ZNF475: variants seen among roughly 807,000 people sequenced by gnomAD.
The protein encoded by ZNF475 is zinc finger protein 475.
At chr5:122,182,283 G>A in the ZNF475 span, among the ~76,000 whole-genome samples, 1 of 152,244 alleles carries the variant, frequency 6.6e-6, no homozygotes, top group East Asian at 1.9e-4. Flanking sequence ...ACTTGAAAGA[G>A]CGAGCAGCCC....
the ZNF475 span, among the ~76,000 whole-genome samples, chr5:122,171,760 A>G: frequency 2.7e-5 from 4 of 149,330 alleles, no homozygotes; most frequent in African/African-American, 9.9e-5. Context: ...TTTTTTTGAG[A>G]CAGGGTCTCA....
chr5:122,174,021 C>T, the ZNF475 span, among the ~76,000 whole-genome samples: 3 of 152,194 alleles, frequency 2.0e-5, no homozygotes, highest in African/African-American at 4.8e-5. Flanking sequence ...TGGCTGGTCC[C>T]GGCAAGGGCC....
the ZNF475 span, among the ~76,000 whole-genome samples, chr5:122,161,530 A>T: frequency 6.6e-6 from 1 of 152,236 alleles, no homozygotes; most frequent in African/African-American, 2.4e-5. Context: ...TTCTTTTTAT[A>T]GGAAAATTCC....
chr5:122,167,012 A>C, the ZNF475 span, among the ~76,000 whole-genome samples: 1 of 152,192 alleles, frequency 6.6e-6, no homozygotes, highest in Non-Finnish European at 1.5e-5. Context: ...CTATGTCCTA[A>C]ATGGTATTGC....
the ZNF475 span, among the ~76,000 whole-genome samples, chr5:122,172,950 G>T: frequency 6.6e-6 from 1 of 151,948 alleles, no homozygotes; most frequent in African/African-American, 2.4e-5. Context: ...GGAGAATGGC[G>T]TGAACCCGGG....
At chr5:122,170,592 C>A in the ZNF475 span, among the ~76,000 whole-genome samples, 1 of 152,160 alleles carries the variant, frequency 6.6e-6, no homozygotes, top group Non-Finnish European at 1.5e-5. Flanking sequence ...CCCAGCACCT[C>A]AATGGATTTG....
chr5:122,165,974 A>T, the ZNF475 span, among the ~76,000 whole-genome samples: 1 of 152,254 alleles, frequency 6.6e-6, no homozygotes, highest in Non-Finnish European at 1.5e-5. Context: ...TAATGGTTAC[A>T]GATAAATCCA....
chr5:122,182,454 C>CT, the ZNF475 span: 1 of 1,397,724 alleles, frequency 7.2e-7, no homozygotes, highest in Admixed American at 3.0e-5. Context: ...ATTTTTTTTT[C>CT]TTTTTTTCTT....
chr5:122,182,483 C>G, the ZNF475 span: 1 of 1,420,636 alleles, frequency 7.0e-7, no homozygotes, highest in Non-Finnish European at 9.2e-7. Context: ...TTTCCTTTAA[C>G]TTTCCAGCCA....
chr5:122,162,327 T>C, the ZNF475 span: 1 of 152,210 alleles, frequency 6.6e-6, no homozygotes, highest in Non-Finnish European at 1.5e-5. Flanking sequence ...CATCCAGTGA[T>C]TTCCAAAAAC....
chr5:122,165,294 T>C, the ZNF475 span, among the ~76,000 whole-genome samples: 1 of 152,214 alleles, frequency 6.6e-6, no homozygotes, highest in African/African-American at 2.4e-5. Context: ...TTATTGGCTT[T>C]TGAAATTGAA....
At chr5:122,176,465 TTA>T in the ZNF475 span, among the ~76,000 whole-genome samples, 1 of 152,196 alleles carries the variant, frequency 6.6e-6, no homozygotes, top group African/African-American at 2.4e-5. Flanking sequence ...CTTTCTGTAT[TTA>T]TAAGTTTTAT....
At chr5:122,160,366 G>A in the ZNF475 span, 1 of 950,060 alleles carries the variant, frequency 1.1e-6, no homozygotes, top group Non-Finnish European at 1.5e-6. Context: ...TCGAAGGTGG[G>A]GAAAGTTACA....
At chr5:122,176,896 A>G in the ZNF475 span, among the ~76,000 whole-genome samples, 1 of 152,174 alleles carries the variant, frequency 6.6e-6, no homozygotes, top group Non-Finnish European at 1.5e-5. Context: ...GGAAGCAATG[A>G]TTCTTGTCCT....
At chr5:122,164,403 C>T in the ZNF475 span, among the ~76,000 whole-genome samples, 4 of 152,174 alleles carry the variant, frequency 2.6e-5, no homozygotes, top group Non-Finnish European at 4.4e-5. Flanking sequence ...ATCAGCTTGC[C>T]ACCTGAAATC....
chr5:122,176,869 G>A, the ZNF475 span, among the ~76,000 whole-genome samples: 8 of 152,080 alleles, frequency 5.3e-5, no homozygotes, highest in African/African-American at 1.9e-4. Flanking sequence ...TATTCAATTT[G>A]TTCTCATTGT....
chr5:122,169,265 T>C, the ZNF475 span, among the ~76,000 whole-genome samples: 1 of 152,226 alleles, frequency 6.6e-6, no homozygotes, highest in African/African-American at 2.4e-5. Flanking sequence ...TATTATCCAC[T>C]TCATTGGCTT....
At chr5:122,169,618 A>C in the ZNF475 span, among the ~76,000 whole-genome samples, 1 of 152,178 alleles carries the variant, frequency 6.6e-6, no homozygotes, top group African/African-American at 2.4e-5. Context: ...AGAGAACCAT[A>C]AAATTACTGA....
chr5:122,179,730 G>T, the ZNF475 span: 2 of 1,496,816 alleles, frequency 1.3e-6, no homozygotes, highest in Non-Finnish European at 1.8e-6. Context: ...GACCATTACT[G>T]GTAAGTTCCT....
Sources: allele counts gnomAD v4.1 joint callset (sites outside exome capture counted in the v4.1 genomes callset), GRCh38; gene constraint gnomAD v4.1.1; transcripts MANE v1.5; gene names NCBI Gene and HGNC (gene_info 2026-07-23, HGNC 2026-07-21).